SLC1A2: variants seen among roughly 807,000 people sequenced by gnomAD.
SLC1A2 encodes the protein solute carrier family 1 member 2.
A neutral mutation model predicts 48.8 loss-of-function variants in SLC1A2; 15 were observed. The observed-to-expected ratio is 0.31, with a 90% confidence interval of 0.21 to 0.47. The LOEUF (loss-of-function observed/expected upper bound fraction) is 0.47. SLC1A2 is among the 20% of genes least tolerant of loss of function. The pLI, the probability that SLC1A2 is intolerant of heterozygous loss-of-function variation, is 0.99. For synonymous variants in SLC1A2, 279 were observed against 272.6 expected, an observed-to-expected ratio of 1.02 and a Z score of -0.23; for missense variants, 502 against 730.5, an observed-to-expected ratio of 0.69 and a Z score of 3.61.
chr11:35,365,862 C>G (rs959270733), intron 1 of SLC1A2, among the ~76,000 whole-genome samples: 4 of 152,160 alleles, frequency 2.6e-5, no homozygotes, highest in African/African-American at 9.7e-5. Flanking sequence ...ACAGGGGTGA[C>G]TTTTCCCCTA....
rs1565194322 is a variant in SLC1A2, at chr11:35,258,393, A to G, written c.*2501T>C. 1 of 152,464 alleles carries G rather than the reference A, an allele frequency of 6.6e-6. No homozygotes were observed. 9.4% of individuals were successfully genotyped at this position (152,464 alleles called of 1,614,324 possible). On this transcript the variant is annotated 3_prime_UTR_variant, in exon 11 of 11. Transcript: ENST00000278379. Reference sequence around the variant, plus strand: ...GGATAGCTAGGAAAAAGTTGAAGACAAAACACACCGGAAAGGTTTCAGGCA... The same window carrying G: ...GGATAGCTAGGAAAAAGTTGAAGACGAAACACACCGGAAAGGTTTCAGGCA...
intron 1 of SLC1A2, among the ~76,000 whole-genome samples, chr11:35,379,832 C>T (rs369610053): frequency 2.0e-5 from 3 of 152,266 alleles, no homozygotes; most frequent in African/African-American, 2.4e-5. Flanking sequence ...ACTTACGTGG[C>T]GAATCCCAAC....
rs912132060 is a variant in SLC1A2 at position 35,337,730 on chromosome 11, T to C, written c.18-20214A>G. On this transcript the variant is annotated intron_variant, in intron 1 of 10. Transcript: ENST00000278379. ...CCAGCTTGCTGTGTGAACTTGTGCA[T>C]GTGCTGCCTCTTATCTGAGCCTAAG... Among the ~76,000 whole-genome samples, 3 of 152,288 alleles carry C rather than the reference T, an allele frequency of 2.0e-5. No homozygotes were observed. In the South Asian group the frequency reaches 6.2e-4, roughly 32 times the overall value.
At chr11:35,322,878 G>A (rs1852118624) in intron 1 of SLC1A2, 2 of 634,252 alleles carry the variant, frequency 3.2e-6, no homozygotes, top group Non-Finnish European at 5.6e-6. Context: ...CTTTAAAAGG[G>A]CCTGAAACTC....
intron 1 of SLC1A2, chr11:35,380,555 G>C (rs1854388378): frequency 2.5e-6 from 1 of 396,744 alleles, no homozygotes; most frequent in Non-Finnish European, 4.4e-6. Flanking sequence ...CAAAAAGACA[G>C]TGCAAACACT....
At position 35,307,102 on chromosome 11, in the gene SLC1A2, A is replaced by G. The variant is rs1465627642; in HGVS notation, c.562-860T>C. 1.3e-5 allele frequency: 2 copies of G among 151,622 alleles called. 1 individual carries two copies. The highest frequency in any genetic ancestry group is 3.8e-4 in the East Asian group (2 of 5,200). The allele number at this position is 151,622 out of a possible 1,614,324, so 9.4% of individuals were successfully genotyped here. On this transcript the variant is annotated intron_variant, in intron 4 of 10. Transcript: ENST00000278379. ...GTGATGGGCCCTGGATCTGGTTAAG[A>G]ATAGGAAGCCTTGGCAGGGGTCAGA...
chr11:35,315,223 A>C (rs982708439), intron 2 of SLC1A2, 48 bp from the exon 3 acceptor site: 2 of 1,454,652 alleles, frequency 1.4e-6, no homozygotes, highest in Non-Finnish European at 9.6e-7. Context: ...GCCTTCGTCA[A>C]ATGACTTACT....
intron 1 of SLC1A2, among the ~76,000 whole-genome samples, chr11:35,388,512 A>T (rs1854652910): frequency 6.6e-6 from 1 of 152,174 alleles, no homozygotes; most frequent in African/African-American, 2.4e-5. Context: ...CTCCTGCCCC[A>T]ATCTCCAAGT....
In SLC1A2 at chr11:35,292,278, G is replaced by C. The variant is rs776924587; in HGVS notation, c.1091+9C>G. ...AGCAAAGAGAAAGGTGATTTCTTTT[G>C]TTCTCTACCTGGAAGCGGTGCCCAG... On this transcript the variant is annotated intron_variant, in intron 7 of 10. Coordinates refer to ENST00000278379, the MANE Select transcript of SLC1A2 (RefSeq NM_004171.4). 1 of 1,593,748 alleles carries C rather than the reference G, an allele frequency of 6.3e-7. No individual in the cohort carries two copies. Among genetic ancestry groups the C allele is most frequent in the South Asian group, 1.1e-5 (1 of 90,382 alleles).
chr11:35,298,842 G>A (rs1445028222), intron 6 of SLC1A2: 1 of 152,138 alleles, frequency 6.6e-6, no homozygotes, highest in Non-Finnish European at 1.5e-5. Flanking sequence ...AAATCACATT[G>A]GTATGGACAT....
chr11:35,281,279 G>A (rs961924913), intron 8 of SLC1A2, among the ~76,000 whole-genome samples: 8 of 152,114 alleles, frequency 5.3e-5, no homozygotes, highest in Admixed American at 2.0e-4. Flanking sequence ...ATATATCACA[G>A]GGCTCAAATA....
At chr11:35,356,225 T>C (rs1853456676) in intron 1 of SLC1A2, among the ~76,000 whole-genome samples, 1 of 152,214 alleles carries the variant, frequency 6.6e-6, no homozygotes, top group African/African-American at 2.4e-5. Context: ...CCCATGATGT[T>C]TTTTTCCAAA....
rs1360643868 is a variant in SLC1A2 at position 35,258,215 on chromosome 11, T to C, written c.*2679A>G. 2.0e-5 allele frequency: 3 copies of C among 152,244 alleles called. No homozygotes were observed. The highest frequency in any genetic ancestry group is 2.9e-5 in the Non-Finnish European group (2 of 68,036). The allele number at this position is 152,244 out of a possible 1,614,324, so 9.4% of individuals were successfully genotyped here. A position where few individuals can be genotyped will look rare whatever the true frequency, so the allele number is the denominator to read the frequency against. Reference sequence around the variant, plus strand: ...GAAATTGTATATTTTTAATATGACTTATTGAATTTCCAGATAAGTGTGATT... The same window carrying C: ...GAAATTGTATATTTTTAATATGACTCATTGAATTTCCAGATAAGTGTGATT... On this transcript the variant is annotated 3_prime_UTR_variant, in exon 11 of 11. Transcript: ENST00000278379.
intron 1 of SLC1A2, among the ~76,000 whole-genome samples, chr11:35,416,511 C>T (rs896356927): frequency 1.3e-5 from 2 of 152,196 alleles, no homozygotes; most frequent in African/African-American, 4.8e-5. Flanking sequence ...GTCATTATTG[C>T]TTCTAATAAT....
intron 1 of SLC1A2, among the ~76,000 whole-genome samples, chr11:35,413,984 C>T (rs1367974562): frequency 6.6e-6 from 1 of 152,226 alleles, no homozygotes; most frequent in Admixed American, 6.5e-5. Flanking sequence ...AGGTCTTTAA[C>T]ATTGCCATCA....
At chr11:35,366,730 C>T (rs536069892) in intron 1 of SLC1A2, among the ~76,000 whole-genome samples, 1 of 152,294 alleles carries the variant, frequency 6.6e-6, no homozygotes, top group South Asian at 2.1e-4. Context: ...CAACACAAAA[C>T]AGAAGTAACA....
At chr11:35,375,420 G>T (rs1228246178) in intron 1 of SLC1A2, among the ~76,000 whole-genome samples, 2 of 152,208 alleles carry the variant, frequency 1.3e-5, no homozygotes, top group Non-Finnish European at 2.9e-5. Flanking sequence ...AAAACCCCCA[G>T]AACAAAGTGG....
chr11:35,416,151 C>T (rs149772805), intron 1 of SLC1A2, among the ~76,000 whole-genome samples: 2 of 152,288 alleles, frequency 1.3e-5, no homozygotes, highest in African/African-American at 4.8e-5. Flanking sequence ...ATAATCAAAG[C>T]CCTCAAAAAA....
intron 1 of SLC1A2, among the ~76,000 whole-genome samples, chr11:35,369,351 A>G (rs577773513): frequency 6.6e-6 from 1 of 152,350 alleles, no homozygotes; most frequent in East Asian, 1.9e-4. Flanking sequence ...AGCATCACTC[A>G]TGAGCTCTGA....
Sources: allele counts gnomAD v4.1 joint callset (sites outside exome capture counted in the v4.1 genomes callset), GRCh38; gene constraint gnomAD v4.1.1; transcripts MANE v1.5; gene names NCBI Gene and HGNC (gene_info 2026-07-23, HGNC 2026-07-21).